Variants in ROPN1 observed in about 807,000 individuals in gnomAD.
ROPN1 encodes ropporin-1A.
In ROPN1, 14 loss-of-function variants were observed where a neutral mutation model predicts 20.5. The ratio of observed to expected loss-of-function variants is 0.68; its 90% CI spans 0.45 to 1.07. The LOEUF (loss-of-function observed/expected upper bound fraction) is 1.07, where lower values mean the gene tolerates loss of function less well. Ranked by LOEUF, ROPN1 falls within the 50% of genes least tolerant of loss-of-function variation. The pLI is 0.00. For missense variants in ROPN1, 169 were observed against 242.8 expected (o/e 0.70, Z 2.02); for synonymous variants, 76 against 95.7 (o/e 0.79, Z 1.20).
chr3:123,984,848 C>T (rs2149000503), intron 1 of ROPN1, among the ~76,000 whole-genome samples: 1 of 152,274 alleles, frequency 6.6e-6, no homozygotes, highest in South Asian at 2.1e-4. Context: ...TTTGCTAATT[C>T]TAGCCGGCTT....
intron 1 of ROPN1, among the ~76,000 whole-genome samples, chr3:123,982,934 A>G (rs1172630171): frequency 2.6e-5 from 4 of 152,146 alleles, no homozygotes; most frequent in African/African-American, 9.7e-5. Flanking sequence ...GAATTTGACT[A>G]TCATATAAAA....
Position 123,981,322 on chromosome 3 carries a change from A to G in ROPN1, c.-12-829T>C, listed in dbSNP as rs1446619109. 3.3e-5 allele frequency: 5 copies of G among 152,794 alleles called. No homozygotes were observed. In the East Asian group the frequency reaches 5.8e-4, roughly 18 times the overall value. 9.5% of individuals were successfully genotyped at this position (152,794 alleles called of 1,614,324 possible). On this transcript the variant is annotated intron_variant, in intron 1 of 5. Transcript: ENST00000405845. ...AGTGAGAGAAATCTTCCAGTGGCCA[A>G]TGAGGTGAGTAAAGGGGAACCCGCA... is the stretch of plus-strand genomic sequence containing the variant.
At chr3:123,972,658 A>G (rs1331677099) in intron 4 of ROPN1, among the ~76,000 whole-genome samples, 2 of 152,336 alleles carry the variant, frequency 1.3e-5, no homozygotes, top group East Asian at 3.9e-4. Context: ...GATGGAGTAA[A>G]TGTACCTATT....
Position 123,987,922 on chromosome 3 carries a change from C to T in ROPN1, c.-13+4000G>A, listed in dbSNP as rs535202707. On this transcript the variant is annotated intron_variant, in intron 1 of 5. Transcript: ENST00000405845. ...ATGCTCATATTTCAAAGATTTCCCTCGTGTTCATTCGCATCATCATCCACA... is the reference window on the plus strand; with the variant it reads ...ATGCTCATATTTCAAAGATTTCCCTTGTGTTCATTCGCATCATCATCCACA... Among the ~76,000 whole-genome samples the T allele has an allele frequency of 2.0e-5, 3 of 152,282 alleles. No homozygotes were observed. The South Asian group carries it at 6.2e-4, about 32-fold the overall frequency.
chr3:123,980,766 GCCCCAAAATAATGATATCA>G (rs2038128097), intron 1 of ROPN1: 1 of 329,776 alleles, frequency 3.0e-6, no homozygotes, highest in Non-Finnish European at 5.5e-6. Context: ...TAATGATATC[GCCCCAAAATAATGATATCA>G]CCCCCCAAAA....
intron 2 of ROPN1, among the ~76,000 whole-genome samples, chr3:123,978,021 C>G (rs995981202): frequency 1.3e-5 from 2 of 152,186 alleles, no homozygotes; most frequent in African/African-American, 4.8e-5. Flanking sequence ...TTTTTTCCCT[C>G]CATTACTTCC....
At chr3:123,981,793 G>C (rs546484206) in intron 1 of ROPN1, among the ~76,000 whole-genome samples, 1 of 152,218 alleles carries the variant, frequency 6.6e-6, no homozygotes, top group East Asian at 1.9e-4. Context: ...AGGAAAAAGA[G>C]GATAAAATAA....
At chr3:123,980,188 G>T in intron 2 of ROPN1, 178 bp downstream of exon 2, 1 of 647,656 alleles carries the variant, frequency 1.5e-6, no homozygotes, top group Non-Finnish European at 2.7e-6. Context: ...TCCTTGCCCA[G>T]CTAGATGTAG....
intron 2 of ROPN1, among the ~76,000 whole-genome samples, chr3:123,977,268 TG>T (rs1196944462): frequency 6.6e-6 from 1 of 152,194 alleles, no homozygotes; most frequent in Non-Finnish European, 1.5e-5. Context: ...TGGAGCATAT[TG>T]GGTTCAGGTT....
rs1486422763 is a variant in ROPN1, at chr3:123,980,389, C to T, written c.93G>A (p.Gln31=). Residue 31 remains glutamine, a synonymous_variant, in exon 2 of 6, where the codon CAG becomes CAA. Coordinates refer to ENST00000405845, the MANE Select transcript of ROPN1 (RefSeq NM_001317774.2). ...ACTCGGCTGCCCACTGGATGAGGTC[C>T]TGCGGCTGCACCCTAATGGCGGCTT... ...FAKAAIRVQP[Q]DLIQWAADYF... 2 of 1,614,198 alleles carry T rather than the reference C, an allele frequency of 1.2e-6. No homozygotes were observed. The highest frequency in any genetic ancestry group is 1.3e-5 in the African/African-American group (1 of 75,054).
chr3:123,990,026 A>G (rs1048842393), intron 1 of ROPN1, among the ~76,000 whole-genome samples: 2 of 152,198 alleles, frequency 1.3e-5, no homozygotes, highest in African/African-American at 4.8e-5. Flanking sequence ...GTTAAATTAT[A>G]TGCTCAAAAA....
At chr3:123,971,802 C>G (rs2037924164) in intron 4 of ROPN1, among the ~76,000 whole-genome samples, 1 of 152,174 alleles carries the variant, frequency 6.6e-6, no homozygotes, top group Non-Finnish European at 1.5e-5. Context: ...TTCTGTTGCC[C>G]TCTCCCATGG....
chr3:123,988,881 C>G (rs1001123041), intron 1 of ROPN1, among the ~76,000 whole-genome samples: 10 of 151,630 alleles, frequency 6.6e-5, no homozygotes, highest in African/African-American at 2.4e-4. Context: ...TAATAAGTGT[C>G]AAGAAGCCTG....
chr3:123,974,049 T>G (rs770600221), intron 4 of ROPN1, among the ~76,000 whole-genome samples: 9 of 152,178 alleles, frequency 5.9e-5, no homozygotes, highest in African/African-American at 1.2e-4. Flanking sequence ...ACTGGGAAAT[T>G]TACCTTTAGG....
intron 1 of ROPN1, among the ~76,000 whole-genome samples, chr3:123,982,324 T>C (rs1318921428): frequency 1.3e-5 from 2 of 152,158 alleles, no homozygotes; most frequent in Non-Finnish European, 2.9e-5. Context: ...AGTCTCACCA[T>C]GCTAGGTGGA....
At chr3:123,971,191 TCTC>T (rs1460458253) in intron 4 of ROPN1, among the ~76,000 whole-genome samples, 5 of 152,124 alleles carry the variant, frequency 3.3e-5, no homozygotes, top group African/African-American at 1.2e-4. Context: ...TGTCTGCTGT[TCTC>T]CTCTCATCCT....
rs971761931 is a variant in ROPN1 at position 123,979,488 on chromosome 3, G to T, written c.116+878C>A. The T allele has an allele frequency of 1.9e-5, 7 of 366,408 alleles. No individual in the cohort carries two copies. In the Admixed American group the frequency reaches 2.5e-4, roughly 13 times the overall value. The allele number at this position is 366,408 out of a possible 1,614,324, so 22.7% of individuals were successfully genotyped here. On this transcript the variant is annotated intron_variant, in intron 2 of 5. Coordinates refer to ENST00000405845, the MANE Select transcript of ROPN1 (RefSeq NM_001317774.2). The stretch of plus-strand genomic sequence containing the variant: ...GAGGTCTAGTTATCTTCCAACTCCT[G>T]TCTCAAGTCCTGGTTCCCCAGTTTC...
chr3:123,987,121 G>A (rs1412949667), intron 1 of ROPN1, among the ~76,000 whole-genome samples: 1 of 152,202 alleles, frequency 6.6e-6, no homozygotes, highest in Non-Finnish European at 1.5e-5. Flanking sequence ...AAACTCTCTG[G>A]GGTCCACATC....
chr3:123,970,685 C>T (rs2148989461), intron 4 of ROPN1, among the ~76,000 whole-genome samples: 1 of 152,192 alleles, frequency 6.6e-6, no homozygotes, highest in East Asian at 1.9e-4. Flanking sequence ...GGGTAATTTC[C>T]CCAGGAAAAT....
Sources: allele counts gnomAD v4.1 joint callset (sites outside exome capture counted in the v4.1 genomes callset), GRCh38; gene constraint gnomAD v4.1.1; transcripts MANE v1.5; gene names NCBI Gene and HGNC (gene_info 2026-07-23, HGNC 2026-07-21).